Variants in SULT1E1 observed in about 807,000 individuals in gnomAD.
SULT1E1 encodes the protein sulfotransferase family 1E member 1, also known as sulfotransferase 1E1.
A neutral mutation model predicts 33.6 loss-of-function variants in SULT1E1; 36 were observed. The observed-to-expected ratio is 1.07, with a 90% confidence interval of 0.82 to 1.41. The LOEUF is 1.41. SULT1E1 is among the 40% of genes most tolerant of loss of function. The pLI, the probability that SULT1E1 is intolerant of heterozygous loss-of-function variation, is 0.00. For missense variants in SULT1E1, 371 were observed against 345.7 expected (o/e 1.07, Z -0.58); for synonymous variants, 121 against 111.7 (o/e 1.08, Z -0.53).
chr4:69,837,217 A>C (rs1235291186), downstream of SULT1E1, among the ~76,000 whole-genome samples: 1 of 152,164 alleles, frequency 6.6e-6, no homozygotes, highest in South Asian at 2.1e-4. Flanking sequence ...ATTTGTGTAC[A>C]TTGTATAGAT....
At chr4:69,852,621 T>A (rs1721149834) in intron 4 of SULT1E1, among the ~76,000 whole-genome samples, 1 of 152,222 alleles carries the variant, frequency 6.6e-6, no homozygotes, top group African/African-American at 2.4e-5. Flanking sequence ...TTACAGTTTC[T>A]GCTCCATCAT....
the SULT1E1 span, among the ~76,000 whole-genome samples, chr4:69,823,845 GCATA>G: frequency 6.6e-6 from 1 of 151,554 alleles, no homozygotes; most frequent in African/African-American, 2.4e-5. Flanking sequence ...AGTCACTACT[GCATA>G]CTCCGCTCAG....
intron 5 of SULT1E1, 96 bp from the exon 6 acceptor site, chr4:69,847,888 A>C: frequency 1.5e-6 from 1 of 650,708 alleles, no homozygotes; most frequent in South Asian, 2.2e-5. Context: ...ATAAATATAA[A>C]TAGATAATCA....
At chr4:69,833,244 T>C in the SULT1E1 span, among the ~76,000 whole-genome samples, 1 of 152,128 alleles carries the variant, frequency 6.6e-6, no homozygotes, top group Non-Finnish European at 1.5e-5. Flanking sequence ...ATATGAGGAT[T>C]AAAATGTAAT....
chr4:69,852,766 T>A (rs1427610340), intron 4 of SULT1E1, among the ~76,000 whole-genome samples: 1 of 152,182 alleles, frequency 6.6e-6, no homozygotes, highest in Non-Finnish European at 1.5e-5. Context: ...AACTATCTCC[T>A]AGTCTTTGAT....
the SULT1E1 span, among the ~76,000 whole-genome samples, chr4:69,823,288 C>G: frequency 1.1e-4 from 17 of 152,118 alleles, no homozygotes; most frequent in Admixed American, 7.2e-4. Flanking sequence ...CCCAGATGGT[C>G]GTTATCTGGG....
At chr4:69,856,136 C>G (rs913930861) in intron 2 of SULT1E1, among the ~76,000 whole-genome samples, 1 of 152,120 alleles carries the variant, frequency 6.6e-6, no homozygotes, top group Non-Finnish European at 1.5e-5. Context: ...AGCCCAGTCT[C>G]TCTTTTTAAT....
chr4:69,849,569 A>T lies in SULT1E1; in HGVS notation c.370-6T>A. 1 of 1,590,260 alleles carries T rather than the reference A, an allele frequency of 6.3e-7. No individual in the cohort carries two copies. ...TTCCGGCAAAGATAGATTATCTAAG[A>T]GGATGAAATTGTATATTAAACCACT... On this transcript the variant is annotated splice_region_variant and splice_polypyrimidine_tract_variant and intron_variant, in intron 4 of 7. Transcript: ENST00000226444.
chr4:69,842,140 G>C (rs762598739), intron 7 of SULT1E1, 34 bp from the exon 8 acceptor site: 3 of 1,251,914 alleles, frequency 2.4e-6, no homozygotes, highest in South Asian at 1.3e-5. Context: ...TAAATATTAA[G>C]TCTTCCAAAA....
At chr4:69,842,209 T>C (rs1268579885) in intron 7 of SULT1E1, 103 bp from the exon 8 acceptor site, 1 of 666,954 alleles carries the variant, frequency 1.5e-6, no homozygotes, top group Non-Finnish European at 2.6e-6. Context: ...AATATTATAC[T>C]TGTAATTCTC....
intron 4 of SULT1E1, among the ~76,000 whole-genome samples, chr4:69,850,404 T>A (rs755910927): frequency 6.6e-6 from 1 of 152,076 alleles, no homozygotes; most frequent in Non-Finnish European, 1.5e-5. Context: ...GAGTATCCAC[T>A]GTTTATGGAA....
intron 2 of SULT1E1, among the ~76,000 whole-genome samples, chr4:69,856,304 A>G (rs994928282): frequency 6.6e-6 from 1 of 152,242 alleles, no homozygotes; most frequent in African/African-American, 2.4e-5. Flanking sequence ...AGTTATTTTT[A>G]TAAAAATCAT....
rs1269539144 is a variant in SULT1E1 at position 69,847,863 on chromosome 4, C to A, written c.497-71G>T. ...AACTGCTCGAAAACTAGTGTTCAAGCAACAATAACAACAAATAAATATAAA... is the reference window on the plus strand; with the variant it reads ...AACTGCTCGAAAACTAGTGTTCAAGAAACAATAACAACAAATAAATATAAA... On this transcript the variant is annotated intron_variant, in intron 5 of 7. Coordinates refer to ENST00000226444, the MANE Select transcript of SULT1E1 (RefSeq NM_005420.3). 34 of 785,764 alleles carry A rather than the reference C, an allele frequency of 4.3e-5. No individual in the cohort carries two copies. The South Asian group carries it at 5.4e-4, about 12-fold the overall frequency. 48.7% of individuals were successfully genotyped at this position (785,764 alleles called of 1,614,324 possible). A position where few individuals can be genotyped will look rare whatever the true frequency, so the allele number is the denominator to read the frequency against.
At chr4:69,827,630 C>G in the SULT1E1 span, among the ~76,000 whole-genome samples, 1 of 152,132 alleles carries the variant, frequency 6.6e-6, no homozygotes, top group Non-Finnish European at 1.5e-5. Context: ...CCACAGATAT[C>G]AAGAGAAAGC....
chr4:69,842,251 A>T, intron 7 of SULT1E1, 145 bp from the exon 8 acceptor site: 1 of 550,092 alleles, frequency 1.8e-6, no homozygotes, highest in South Asian at 2.4e-5. Flanking sequence ...ACCTTTAATG[A>T]TATACTTTTT....
the SULT1E1 span, among the ~76,000 whole-genome samples, chr4:69,828,312 CT>C: frequency 6.6e-6 from 1 of 152,226 alleles, no homozygotes; most frequent in South Asian, 2.1e-4. Flanking sequence ...GCCACTCACT[CT>C]TTTGGTCCTC....
At chr4:69,824,389 G>T in the SULT1E1 span, among the ~76,000 whole-genome samples, 4 of 152,170 alleles carry the variant, frequency 2.6e-5, no homozygotes. Flanking sequence ...GTTAGATCTG[G>T]CAGCCCTAAA....
At chr4:69,823,320 G>A in the SULT1E1 span, among the ~76,000 whole-genome samples, 1 of 152,236 alleles carries the variant, frequency 6.6e-6, no homozygotes, top group East Asian at 1.9e-4. Flanking sequence ...GGTACAACTA[G>A]CCTCCCATTG....
the SULT1E1 span, among the ~76,000 whole-genome samples, chr4:69,821,871 T>C: frequency 6.6e-6 from 1 of 152,216 alleles, no homozygotes; most frequent in Non-Finnish European, 1.5e-5. Context: ...GAAAGAAATA[T>C]TAAAAGCTCA....
Sources: allele counts gnomAD v4.1 joint callset (sites outside exome capture counted in the v4.1 genomes callset), GRCh38; gene constraint gnomAD v4.1.1; transcripts MANE v1.5; gene names NCBI Gene and HGNC (gene_info 2026-07-23, HGNC 2026-07-21).